HERC6: variants seen among roughly 807,000 people sequenced by gnomAD.
HERC6 encodes HECT and RLD domain containing E3 ubiquitin protein ligase family member 6, also known as probable E3 ubiquitin-protein ligase HERC6.
Under a neutral mutation model 114.5 loss-of-function variants are expected in HERC6, and 101 were observed. The observed-to-expected ratio is 0.88, with a 90% CI of 0.75 to 1.04. The LOEUF is 1.04. Among genes scored for constraint, HERC6 ranks in the 50% least tolerant of loss-of-function variants. The probability of loss-of-function intolerance (pLI) is 0.00; values close to 1 mark genes in which losing one functional copy is unlikely to be tolerated. For missense variants in HERC6, 1,133 were observed against 1,230.9 expected (o/e 0.92, Z 1.19); for synonymous variants, 408 against 436.2 (o/e 0.94, Z 0.81).
chr4:88,404,419 CCT>C (rs1417670062), intron 8 of HERC6, among the ~76,000 whole-genome samples: 1 of 152,100 alleles, frequency 6.6e-6, no homozygotes. Context: ...AAACTCCTGA[CCT>C]CAGGTGATCC....
At chr4:88,391,914 TCTTTCCTTTC>T (rs1553913740) in intron 4 of HERC6, among the ~76,000 whole-genome samples, 32 of 151,892 alleles carry the variant, frequency 2.1e-4, no homozygotes, top group African/African-American at 7.0e-4. Flanking sequence ...GCTAAGTTTT[TCTTTCCTTTC>T]CTTTCCTTTT....
intron 8 of HERC6, among the ~76,000 whole-genome samples, chr4:88,402,567 A>G (rs948707749): frequency 1.3e-5 from 2 of 152,132 alleles, no homozygotes; most frequent in Admixed American, 1.3e-4. Context: ...AAGAATTGAG[A>G]GATGAAGGTG....
chr4:88,421,521 C>T (rs1737058775), intron 13 of HERC6, among the ~76,000 whole-genome samples: 1 of 150,432 alleles, frequency 6.6e-6, no homozygotes, highest in South Asian at 2.1e-4. Context: ...GATCTCGGCT[C>T]ACTGCCACCT....
rs535385787 is a variant in HERC6, at chr4:88,386,123, C to T, written c.436+548C>T. Among the ~76,000 whole-genome samples the T allele has an allele frequency of 5.9e-5, 9 of 151,808 alleles. 1 individual carries two copies. In the South Asian group the frequency reaches 1.9e-3, roughly 32 times the overall value. On this transcript the variant is annotated intron_variant, in intron 3 of 22. Transcript: ENST00000264346. ...TTTCCTCTACCCTCTTATGCGTAGTCTTTGGGAACCTGCAAATTAAATTAA... is the reference window on the plus strand; with the variant it reads ...TTTCCTCTACCCTCTTATGCGTAGTTTTTGGGAACCTGCAAATTAAATTAA...
At position 88,396,963 on chromosome 4, in the gene HERC6, A is replaced by G. The variant is rs772935386; in HGVS notation, c.1000A>G (p.Ile334Val). Residue 334 changes from isoleucine (I) to valine (V), a missense_variant, in exon 7 of 23, where the codon ATT (isoleucine) becomes GTT (valine). Around this residue, in one of 3 missense-constraint regions of HERC6, gnomAD observed 735 missense variants for 754.0 expected, o/e 0.97. Transcript: ENST00000264346. ...HPEALTENFD[I>V]SCLISAEDFV... ...GGAGGCCCTGACAGAGAACTTTGAC[A>G]TTAGCTGCCTGATTTCTGCTGAAGG... is the stretch of plus-strand genomic sequence containing the variant. The G allele has an allele frequency of 4.3e-6, 7 of 1,612,406 alleles. No individual in the cohort carries two copies. Among genetic ancestry groups the G allele is most frequent in the Non-Finnish European group, 5.9e-6 (7 of 1,179,096 alleles).
chr4:88,405,911 C>T (rs1735792177), intron 10 of HERC6, among the ~76,000 whole-genome samples: 3 of 152,204 alleles, frequency 2.0e-5, no homozygotes, highest in Admixed American at 6.5e-5. Context: ...TCGGCTAAAT[C>T]TCACATTGCT....
chr4:88,407,089 T>C (rs1735848032), intron 10 of HERC6, among the ~76,000 whole-genome samples: 1 of 151,608 alleles, frequency 6.6e-6, no homozygotes, highest in African/African-American at 2.4e-5. Flanking sequence ...TTTTTATTTA[T>C]ATTTTTGAGA....
Position 88,413,221 on chromosome 4 carries a change from G to A in HERC6, c.1513G>A (p.Ala505Thr), listed in dbSNP as rs1736229883. The stretch of plus-strand genomic sequence containing the variant: ...CTGGAAGAACCTGGTGGTTCCATTT[G>A]CAAAGGCTGTGTGTGAAATGAGTAA... Reference protein sequence around the residue: ...KNWKNLVVPFAKAVCEMSKQS... With the variant: ...KNWKNLVVPFTKAVCEMSKQS... The change falls in exon 12 of 23, where the codon GCA becomes ACA. Residue 505 changes from alanine (A) to threonine (T), a missense_variant. Around this residue, in one of 3 missense-constraint regions of HERC6, gnomAD observed 735 missense variants for 754.0 expected, o/e 0.97. Transcript: ENST00000264346. 6.2e-7 allele frequency: 1 copy of A among 1,613,086 alleles called. No individual in the cohort carries two copies. The highest frequency in any genetic ancestry group is 8.5e-7 in the Non-Finnish European group (1 of 1,179,578).
chr4:88,431,697 G>C (rs1011247202), intron 17 of HERC6, among the ~76,000 whole-genome samples: 4 of 152,184 alleles, frequency 2.6e-5, no homozygotes, highest in Non-Finnish European at 5.9e-5. Context: ...TGAGGTGGGA[G>C]GATTGCTTGA....
At chr4:88,441,768 T>C (rs995764988) in intron 22 of HERC6, among the ~76,000 whole-genome samples, 1 of 152,224 alleles carries the variant, frequency 6.6e-6, no homozygotes, top group Non-Finnish European at 1.5e-5. Context: ...TGGGAAACTT[T>C]TGATTCAGCC....
chr4:88,401,677 T>C (rs2148888216), intron 8 of HERC6, among the ~76,000 whole-genome samples: 1 of 152,272 alleles, frequency 6.6e-6, no homozygotes, highest in East Asian at 1.9e-4. Flanking sequence ...TGATTAGTTC[T>C]TGCTTAATTG....
chr4:88,422,739 A>T (rs1005003913), intron 13 of HERC6, among the ~76,000 whole-genome samples: 1 of 152,140 alleles, frequency 6.6e-6, no homozygotes, highest in East Asian at 1.9e-4. Flanking sequence ...GGTAATGCTA[A>T]TCTCATGAAA....
intron 13 of HERC6, among the ~76,000 whole-genome samples, chr4:88,422,192 T>C (rs1737134896): frequency 6.6e-6 from 1 of 152,216 alleles, no homozygotes; most frequent in Admixed American, 6.5e-5. Context: ...ATTAAGCTTG[T>C]TTTTTAACAA....
intron 22 of HERC6, chr4:88,440,463 A>C (rs1560581250): frequency 2.1e-6 from 1 of 478,078 alleles, no homozygotes. Flanking sequence ...GCTCTCTGCT[A>C]CAGAGAGGGG....
At position 88,396,136 on chromosome 4, in the gene HERC6, G is replaced by GTGGA. The variant is rs1246828316; in HGVS notation, c.882_885dup (p.Ser296TrpfsTer24). On this transcript the variant is annotated frameshift_variant, in exon 6 of 23. Coordinates refer to ENST00000264346, the MANE Select transcript of HERC6 (RefSeq NM_017912.4). LOFTEE classifies it high-confidence loss of function. ...GATGGCCTAGTTTCGCAGATAGATT[G>GTGGA]TGGAAGGTAATAGGCTTCTTCTTCT... 1 of 1,595,978 alleles carries GTGGA rather than the reference G, an allele frequency of 6.3e-7. No homozygotes were observed. Among genetic ancestry groups the GTGGA allele is most frequent in the East Asian group, 2.3e-5 (1 of 43,804 alleles).
rs185338579 is a variant in HERC6, at chr4:88,383,720, C to T, written c.359+340C>T. ...AGAGGTTGCAGTGGTGCTGGGACAG[C>T]GCCACTGCACTCCAGCCTGGGCAAC... On this transcript the variant is annotated intron_variant, in intron 2 of 22. Transcript: ENST00000264346. Among the ~76,000 whole-genome samples, 7 of 130,042 alleles carry T rather than the reference C, an allele frequency of 5.4e-5. No homozygotes were observed. In the South Asian group the frequency reaches 7.6e-4, roughly 14 times the overall value. The allele number at this position is 130,042 out of a possible 152,430, so 85.3% of individuals were successfully genotyped here. A position where few individuals can be genotyped will look rare whatever the true frequency, so the allele number is the denominator to read the frequency against.
At chr4:88,437,031 T>C in intron 19 of HERC6, 60 bp downstream of exon 19, 3 of 1,242,148 alleles carry the variant, frequency 2.4e-6, no homozygotes, top group Non-Finnish European at 3.4e-6. Context: ...AAAAATAATT[T>C]TTATTATAGT....
chr4:88,440,102 T>C (rs746649789), intron 21 of HERC6, 45 bp downstream of exon 21: 3 of 1,604,000 alleles, frequency 1.9e-6, no homozygotes, highest in Admixed American at 3.4e-5. Flanking sequence ...ACAACTTCTA[T>C]ATATTCCACC....
intron 11 of HERC6, among the ~76,000 whole-genome samples, chr4:88,409,891 T>C (rs539596074): frequency 1.3e-5 from 2 of 152,182 alleles, no homozygotes; most frequent in Non-Finnish European, 2.9e-5. Flanking sequence ...CTCTTAGTGC[T>C]CAGGATGCTG....
Sources: allele counts gnomAD v4.1 joint callset (sites outside exome capture counted in the v4.1 genomes callset), GRCh38; gene constraint gnomAD v4.1.1; regional missense constraint gnomAD v4.1.1; transcripts MANE v1.5; gene names NCBI Gene and HGNC (gene_info 2026-07-23, HGNC 2026-07-21).